The following PLD5 variants were observed in gnomAD, a reference collection of about 807,000 sequenced individuals.
PLD5 encodes phospholipase D family member 5.
PLD5 carries 36 observed loss-of-function variants against 61.1 expected under a neutral mutation model. The observed-to-expected ratio is 0.59, with a 90% confidence interval of 0.45 to 0.78. The LOEUF (loss-of-function observed/expected upper bound fraction) is 0.78. Among genes scored for constraint, PLD5 ranks in the 30% least tolerant of loss-of-function variants. PLD5 has a pLI of 0.00. For synonymous variants in PLD5, 243 were observed against 242.8 expected (o/e 1.00, Z -0.01); for missense variants, 515 against 644.4 (o/e 0.80, Z 2.17).
intron 7 of PLD5, among the ~76,000 whole-genome samples, chr1:242,113,329 G>A (rs1026746379): frequency 1.3e-5 from 2 of 152,034 alleles, no homozygotes; most frequent in Admixed American, 1.3e-4. Flanking sequence ...TCCTGACCTC[G>A]TGATCCGCCC....
At chr1:242,246,511 A>ACG (rs1301240804) in intron 4 of PLD5, among the ~76,000 whole-genome samples, 3 of 151,876 alleles carry the variant, frequency 2.0e-5, no homozygotes, top group African/African-American at 7.3e-5. Context: ...ACACACACAC[A>ACG]CACACAAAAG....
intron 4 of PLD5, among the ~76,000 whole-genome samples, chr1:242,233,579 G>T (rs1558377599): frequency 6.6e-6 from 1 of 152,054 alleles, no homozygotes; most frequent in Admixed American, 6.5e-5. Flanking sequence ...CGGCAGGGAG[G>T]GAGGGAGGGC....
chr1:242,317,481 C>T (rs1395011327), intron 2 of PLD5, among the ~76,000 whole-genome samples: 2 of 145,880 alleles, frequency 1.4e-5, no homozygotes, highest in African/African-American at 5.2e-5. Flanking sequence ...CACTTTTTCT[C>T]TAGAAAAATA....
At chr1:242,255,057 G>A (rs316919) in intron 4 of PLD5, among the ~76,000 whole-genome samples, 2 of 151,922 alleles carry the variant, frequency 1.3e-5, no homozygotes, top group East Asian at 1.9e-4. Context: ...AAAGCATGCC[G>A]GGGTGACCGT....
chr1:242,219,936 G>T, intron 5 of PLD5, 52 bp downstream of exon 5: 1 of 1,581,170 alleles, frequency 6.3e-7, no homozygotes, highest in South Asian at 1.1e-5. Context: ...TTATGAAGGT[G>T]GTCGCTTTGA....
intron 1 of PLD5, among the ~76,000 whole-genome samples, chr1:242,478,599 A>G (rs1667671637): frequency 1.3e-5 from 2 of 152,244 alleles, no homozygotes; most frequent in Non-Finnish European, 2.9e-5. Context: ...GCTTACAAAC[A>G]TAAAAGGCAT....
At chr1:242,097,894 T>C (rs1193915778) in intron 9 of PLD5, among the ~76,000 whole-genome samples, 1 of 152,240 alleles carries the variant, frequency 6.6e-6, no homozygotes, top group Non-Finnish European at 1.5e-5. Context: ...AACATTTAAA[T>C]CTTTAATCCA....
chr1:242,116,565 C>T (rs1217929831), intron 6 of PLD5, among the ~76,000 whole-genome samples: 1 of 152,150 alleles, frequency 6.6e-6, no homozygotes, highest in Non-Finnish European at 1.5e-5. Flanking sequence ...TGTCCCCTTC[C>T]TTCCCCACAT....
At chr1:242,215,794 G>C (rs1415556406) in intron 5 of PLD5, among the ~76,000 whole-genome samples, 1 of 152,168 alleles carries the variant, frequency 6.6e-6, no homozygotes, top group African/African-American at 2.4e-5. Flanking sequence ...CAAGTCAGAA[G>C]ACTGAGCGAA....
At chr1:242,495,653 G>C (rs1351917669) in intron 1 of PLD5, among the ~76,000 whole-genome samples, 1 of 152,142 alleles carries the variant, frequency 6.6e-6, no homozygotes, top group African/African-American at 2.4e-5. Flanking sequence ...GAAAAAAATA[G>C]AATGTTAACA....
At position 242,524,299 on chromosome 1, in the gene PLD5, C is replaced by G. The variant is rs1312333954; in HGVS notation, c.-23G>C. The G allele has an allele frequency of 1.5e-6, 2 of 1,377,220 alleles. No individual in the cohort carries two copies. Among genetic ancestry groups the G allele is most frequent in the Non-Finnish European group, 1.9e-6 (2 of 1,072,334 alleles). 85.3% of individuals were successfully genotyped at this position (1,377,220 alleles called of 1,614,324 possible). A position where few individuals can be genotyped will look rare whatever the true frequency, so the allele number is the denominator to read the frequency against. On this transcript the variant is annotated 5_prime_UTR_variant, in exon 1 of 10. Coordinates refer to ENST00000536534, the MANE Select transcript of PLD5 (RefSeq NM_001372062.1). ...CATCCTGACATGACCGGGCGGCCGC[C>G]GGCGAGCAGCGGACTCGGGACGGGC...
chr1:242,212,937 A>G (rs995772336), intron 5 of PLD5, among the ~76,000 whole-genome samples: 2 of 152,228 alleles, frequency 1.3e-5, no homozygotes, highest in Non-Finnish European at 2.9e-5. Context: ...CAGAAAGCCC[A>G]TGAATTAGAT....
intron 3 of PLD5, among the ~76,000 whole-genome samples, chr1:242,269,409 A>T (rs1673919459): frequency 6.6e-6 from 1 of 151,496 alleles, no homozygotes; most frequent in Non-Finnish European, 1.5e-5. Context: ...CCCCTTTGTG[A>T]CTTTGAAGAG....
intron 2 of PLD5, among the ~76,000 whole-genome samples, chr1:242,311,805 A>C (rs1447377113): frequency 6.6e-6 from 1 of 151,354 alleles, no homozygotes; most frequent in East Asian, 1.9e-4. Flanking sequence ...ATCTCTCTGG[A>C]CTCTTTCTCT....
chr1:242,132,917 C>A (rs1288613285), intron 5 of PLD5, among the ~76,000 whole-genome samples: 1 of 151,970 alleles, frequency 6.6e-6, no homozygotes, highest in Non-Finnish European at 1.5e-5. Flanking sequence ...AGGAAGGGAA[C>A]CTAAGACTGA....
intron 3 of PLD5, among the ~76,000 whole-genome samples, chr1:242,280,214 G>T (rs1239453188): frequency 6.6e-6 from 1 of 152,138 alleles, no homozygotes; most frequent in Non-Finnish European, 1.5e-5. Context: ...TGTGACATTT[G>T]TTCAATGTGA....
chr1:242,089,404 CGATTTA>C lies in PLD5; in HGVS notation c.*444_*449del. 2.5e-6 allele frequency: 1 copy of C among 399,574 alleles called. No homozygotes were observed. Among genetic ancestry groups the C allele is most frequent in the Non-Finnish European group, 4.4e-6 (1 of 227,040 alleles). The allele number at this position is 399,574 out of a possible 1,614,324, so 24.8% of individuals were successfully genotyped here. On this transcript the variant is annotated 3_prime_UTR_variant, in exon 10 of 10. Transcript: ENST00000536534. ...TAGCTGACTGTGTAGGTCTTGGAGACGATTTACAAGAATAAACACTTGGTTTTATCA... is the reference window on the plus strand; with the variant it reads ...TAGCTGACTGTGTAGGTCTTGGAGACCAAGAATAAACACTTGGTTTTATCA...
intron 5 of PLD5, among the ~76,000 whole-genome samples, chr1:242,136,725 G>T (rs566598340): frequency 5.6e-4 from 86 of 152,310 alleles, no homozygotes; most frequent in African/African-American, 2.0e-3. Flanking sequence ...GAATGCTTTA[G>T]AAAGTGTCAA....
At chr1:242,249,008 T>A (rs1019746141) in intron 4 of PLD5, among the ~76,000 whole-genome samples, 3 of 151,744 alleles carry the variant, frequency 2.0e-5, no homozygotes, top group African/African-American at 7.3e-5. Context: ...ATTAGCCGGG[T>A]GTGGTGGTGC....
Sources: allele counts gnomAD v4.1 joint callset (sites outside exome capture counted in the v4.1 genomes callset), GRCh38; gene constraint gnomAD v4.1.1; transcripts MANE v1.5; gene names NCBI Gene and HGNC (gene_info 2026-07-23, HGNC 2026-07-21).